Variants in SGCD observed in about 807,000 individuals in gnomAD.
SGCD encodes the protein delta-sarcoglycan.
Under a neutral mutation model 36.6 loss-of-function variants are expected in SGCD, and 18 were observed. That is an observed-to-expected ratio of 0.49 (90% CI 0.34 to 0.73). The LOEUF (loss-of-function observed/expected upper bound fraction) is 0.73. Ranked by LOEUF, SGCD falls within the 30% of genes least tolerant of loss-of-function variation. The pLI, the probability that SGCD is intolerant of heterozygous loss-of-function variation, is 0.01. For synonymous variants in SGCD, 133 were observed against 130.6 expected, an observed-to-expected ratio of 1.02 and a Z score of -0.12; for missense variants, 387 against 346.7, an observed-to-expected ratio of 1.12 and a Z score of -0.92.
intron 3 of SGCD, among the ~76,000 whole-genome samples, chr5:156,288,470 A>G (rs1306050185): frequency 6.6e-6 from 1 of 152,160 alleles, no homozygotes; most frequent in African/African-American, 2.4e-5. Context: ...TTTTACAATA[A>G]GCATTATATG....
intron 3 of SGCD, among the ~76,000 whole-genome samples, chr5:156,505,803 A>C (rs201940462): frequency 7.0e-6 from 1 of 143,188 alleles, no homozygotes; most frequent in Admixed American, 6.9e-5. Flanking sequence ...ACACACACAC[A>C]CCCCTACCCC....
intron 3 of SGCD, among the ~76,000 whole-genome samples, chr5:156,190,784 A>C (rs1225584614): frequency 1.3e-5 from 2 of 152,166 alleles, no homozygotes; most frequent in Non-Finnish European, 2.9e-5. Flanking sequence ...CCTATTTTAA[A>C]GAAGGACCCA....
At chr5:156,304,418 ACT>A (rs1767144755) in intron 3 of SGCD, among the ~76,000 whole-genome samples, 1 of 151,896 alleles carries the variant, frequency 6.6e-6, no homozygotes, top group Admixed American at 6.6e-5. Flanking sequence ...CCCTGCAAAC[ACT>A]CTCTCTTTGC....
intron 3 of SGCD, among the ~76,000 whole-genome samples, chr5:156,345,152 G>C (rs1162518602): frequency 6.6e-6 from 1 of 152,152 alleles, no homozygotes; most frequent in African/African-American, 2.4e-5. Context: ...ACTCTGGTTA[G>C]TTAAGAATAT....
chr5:156,245,122 A>AT (rs919927618), intron 3 of SGCD, among the ~76,000 whole-genome samples: 1 of 152,112 alleles, frequency 6.6e-6, no homozygotes, highest in Non-Finnish European at 1.5e-5. Flanking sequence ...GGTTAGTGAC[A>AT]TTTTTTTAAA....
chr5:156,235,881 AAAG>A (rs1225004207), intron 3 of SGCD, among the ~76,000 whole-genome samples: 3 of 152,228 alleles, frequency 2.0e-5, no homozygotes, highest in African/African-American at 7.2e-5. Context: ...TGGGAAATCC[AAAG>A]AAGAAGAAGG....
At chr5:155,941,300 G>A (rs952731275) in intron 1 of SGCD, among the ~76,000 whole-genome samples, 5 of 152,144 alleles carry the variant, frequency 3.3e-5, no homozygotes, top group African/African-American at 9.7e-5. Flanking sequence ...AGTTTCCAAT[G>A]CATGAACTTT....
At chr5:156,196,381 C>T (rs1296013769) in intron 3 of SGCD, among the ~76,000 whole-genome samples, 1 of 152,192 alleles carries the variant, frequency 6.6e-6, no homozygotes, top group Non-Finnish European at 1.5e-5. Context: ...CCTTACATAT[C>T]AGCTGGAGAA....
chr5:155,832,249 T>C, the SGCD span, among the ~76,000 whole-genome samples: 4 of 152,060 alleles, frequency 2.6e-5, no homozygotes, highest in African/African-American at 7.2e-5. Flanking sequence ...TCACTGGAGG[T>C]ATTCAGGAAT....
chr5:156,657,231 CCTCT>C lies in SGCD; in HGVS notation c.575+9700_575+9703del, dbSNP rs577705618. Among the ~76,000 whole-genome samples, 18 of 148,608 alleles carry C rather than the reference CCTCT, an allele frequency of 1.2e-4. No homozygotes were observed. The South Asian group carries it at 2.1e-3, about 18-fold the overall frequency. The stretch of plus-strand genomic sequence containing the variant: ...ATAAATAGTCTGACTTTTTTTTTTT[CCTCT>C]CTCTTTTATTTTATTTTATTATTAT... On this transcript the variant is annotated intron_variant, in intron 7 of 8. Transcript: ENST00000337851.
chr5:155,804,035 A>G, the SGCD span, among the ~76,000 whole-genome samples: 4 of 152,228 alleles, frequency 2.6e-5, no homozygotes, highest in African/African-American at 9.6e-5. Flanking sequence ...CACCTGGACC[A>G]TCTTTGGCGG....
chr5:156,036,950 T>C (rs58327079), intron 1 of SGCD, among the ~76,000 whole-genome samples: 23,576 of 152,154 alleles, frequency 0.15, 2,145 homozygotes, highest in Non-Finnish European at 0.21. Flanking sequence ...AAAACAGACA[T>C]GCAGAACCTC....
intron 1 of SGCD, among the ~76,000 whole-genome samples, chr5:155,952,578 C>A (rs1215035470): frequency 6.6e-6 from 1 of 152,054 alleles, no homozygotes; most frequent in African/African-American, 2.4e-5. Flanking sequence ...TGAAAACAGT[C>A]ATGGGGAGGG....
At chr5:155,774,281 A>G in the SGCD span, among the ~76,000 whole-genome samples, 2 of 152,134 alleles carry the variant, frequency 1.3e-5, no homozygotes, top group African/African-American at 4.8e-5. Flanking sequence ...CTACCTGTGT[A>G]TCAGTAAACC....
intron 3 of SGCD, among the ~76,000 whole-genome samples, chr5:156,376,289 G>T (rs1436430502): frequency 6.6e-6 from 1 of 152,188 alleles, no homozygotes; most frequent in Non-Finnish European, 1.5e-5. Flanking sequence ...AATTGTAGGG[G>T]AAATTTGTAT....
chr5:156,407,054 T>A (rs1772471332), intron 3 of SGCD, among the ~76,000 whole-genome samples: 1 of 151,782 alleles, frequency 6.6e-6, no homozygotes, highest in South Asian at 2.1e-4. Flanking sequence ...TTTCACGTTT[T>A]TCTGCCTGCT....
At chr5:155,856,040 A>G in the SGCD span, among the ~76,000 whole-genome samples, 1 of 152,226 alleles carries the variant, frequency 6.6e-6, no homozygotes. Context: ...AATATAATGA[A>G]TGAGATTAAT....
At chr5:156,323,830 A>G (rs1360031303), upstream of SGCD, among the ~76,000 whole-genome samples, 1 of 152,166 alleles carries the variant, frequency 6.6e-6, no homozygotes, top group Non-Finnish European at 1.5e-5. Flanking sequence ...TGGTAAGAAT[A>G]AAAAGGTGTA....
chr5:155,984,197 A>G (rs887776422), intron 1 of SGCD, among the ~76,000 whole-genome samples: 1 of 152,204 alleles, frequency 6.6e-6, no homozygotes, highest in Admixed American at 6.5e-5. Flanking sequence ...GAATGTATTC[A>G]CTTATTTACT....
Sources: allele counts gnomAD v4.1 joint callset (sites outside exome capture counted in the v4.1 genomes callset), GRCh38; gene constraint gnomAD v4.1.1; transcripts MANE v1.5; gene names NCBI Gene and HGNC (gene_info 2026-07-23, HGNC 2026-07-21).